ABI3: variants seen among roughly 807,000 people sequenced by gnomAD.
ABI3 encodes ABI gene family member 3.
A neutral mutation model predicts 37.0 loss-of-function variants in ABI3; 24 were observed. The observed-to-expected ratio is 0.65, with a 90% CI of 0.47 to 0.91. ABI3 has a LOEUF of 0.91. Among genes scored for constraint, ABI3 ranks in the 40% least tolerant of loss-of-function variants. The probability of loss-of-function intolerance (pLI) is 0.00; values close to 1 mark genes in which losing one functional copy is unlikely to be tolerated. For synonymous variants in ABI3, 220 were observed against 211.8 expected (o/e 1.04, Z -0.34); for missense variants, 481 against 485.1 (o/e 0.99, Z 0.08).
chr17:49,212,994 C>A (rs1241753306), intron 1 of ABI3, among the ~76,000 whole-genome samples: 1 of 152,238 alleles, frequency 6.6e-6, no homozygotes, highest in East Asian at 1.9e-4. Context: ...ACAGTGTGCA[C>A]ACACAATTTG....
At chr17:49,211,088 G>A (rs1006369872) in intron 1 of ABI3, among the ~76,000 whole-genome samples, 5 of 152,096 alleles carry the variant, frequency 3.3e-5, no homozygotes, top group African/African-American at 1.2e-4. Flanking sequence ...CAGACAGTGC[G>A]ATTCCATCCT....
chr17:49,218,532 T>C (rs937720375), intron 3 of ABI3, among the ~76,000 whole-genome samples: 3 of 152,114 alleles, frequency 2.0e-5, no homozygotes, highest in African/African-American at 7.2e-5. Flanking sequence ...TCAGCCCCCC[T>C]TAAAGGGGAA....
At chr17:49,216,438 C>T (rs2043218588) in intron 1 of ABI3, 93 bp from the exon 2 acceptor site, 1 of 1,257,922 alleles carries the variant, frequency 7.9e-7, no homozygotes, top group Non-Finnish European at 1.0e-6. Flanking sequence ...AATCCAGCCC[C>T]TACTTTCCCT....
chr17:49,221,204 C>T (rs879880931), intron 6 of ABI3, among the ~76,000 whole-genome samples: 20 of 151,608 alleles, frequency 1.3e-4, no homozygotes, highest in Non-Finnish European at 2.6e-4. Flanking sequence ...GGTGTGGTGG[C>T]TCACGCCTGT....
intron 1 of ABI3, among the ~76,000 whole-genome samples, chr17:49,211,444 T>C (rs895825232): frequency 2.0e-5 from 3 of 152,166 alleles, no homozygotes; most frequent in Non-Finnish European, 4.4e-5. Context: ...TTAAATTGTG[T>C]GGTTGTCCTG....
At chr17:49,221,607 C>G (rs1156972460) in intron 6 of ABI3, among the ~76,000 whole-genome samples, 1 of 152,224 alleles carries the variant, frequency 6.6e-6, no homozygotes, top group East Asian at 1.9e-4. Context: ...GTCTGACCGT[C>G]CTCTACTGCT....
At chr17:49,217,713 C>G in intron 2 of ABI3, 26 bp from the exon 3 acceptor site, 1 of 1,588,770 alleles carries the variant, frequency 6.3e-7, no homozygotes, top group Non-Finnish European at 8.6e-7. Flanking sequence ...CCACCCCTCT[C>G]TGTCACCTTG....
At position 49,214,351 on chromosome 17, in the gene ABI3, C is replaced by T. The variant is rs770385126; in HGVS notation, c.118-2180C>T. On this transcript the variant is annotated intron_variant, in intron 1 of 7. Coordinates refer to ENST00000225941, the MANE Select transcript of ABI3 (RefSeq NM_016428.3). ...CCCGACCAGAGATGAGGAAGCTGCCCGGGGAACCAAAAGACCGGAGAAGTT... is the reference window on the plus strand; with the variant it reads ...CCCGACCAGAGATGAGGAAGCTGCCTGGGGAACCAAAAGACCGGAGAAGTT... 8.7e-4 allele frequency among the ~76,000 whole-genome samples: 132 copies of T among 152,234 alleles called. 2 individuals carry two copies. The highest frequency in any genetic ancestry group is 3.0e-3 in the African/African-American group (125 of 41,528).
Position 49,220,218 on chromosome 17 carries a change from C to A in ABI3, c.694C>A (p.Pro232Thr), listed in dbSNP as rs2043268478. Residue 232 changes from proline to threonine, a missense_variant, in exon 6 of 8, where the codon CCT becomes ACT. Physicochemically the swap from Pro to Thr is conservative, Grantham distance 38 (BLOSUM62 -1). Transcript: ENST00000225941. ...CCCCACGCCCAAGGGGCAGGCAGCA[C>A]CTCCAGCCCCACCTCTCCCCAGCTC... The part of the protein sequence containing the change: ...GAPTPKGQAA[P>T]PAPPLPSSLD... The A allele has an allele frequency of 6.2e-7, 1 of 1,612,136 alleles. No homozygotes were observed. Among genetic ancestry groups the A allele is most frequent in the East Asian group, 2.2e-5 (1 of 44,872 alleles).
rs2143536252 is a variant in ABI3 at position 49,219,929 on chromosome 17, C to A, written c.620C>A (p.Ser207Tyr). Residue 207 changes from serine to tyrosine, a missense_variant, in exon 5 of 8, where the codon TCT becomes TAT. Transcript: ENST00000225941. The surrounding 1 kb of genome is among the most constrained non-coding windows in gnomAD (Gnocchi z 4.3). The stretch of plus-strand genomic sequence containing the variant: ...GACGGCAGACTCTCCGCCGCCTCCT[C>A]TGCGTTTTCCCTGGCCTCGGCCGGG... ...VPDGRLSAAS[S>Y]AFSLASAGSA... The A allele has an allele frequency of 6.4e-7, 1 of 1,555,194 alleles. No homozygotes were observed.
At chr17:49,213,009 C>T (rs937806611) in intron 1 of ABI3, among the ~76,000 whole-genome samples, 5 of 152,198 alleles carry the variant, frequency 3.3e-5, no homozygotes, top group Non-Finnish European at 5.9e-5. Context: ...AATTTGGGGT[C>T]GCAAAGACCT....
At chr17:49,217,708 C>G (rs1288958714) in intron 2 of ABI3, 31 bp from the exon 3 acceptor site, 1 of 1,582,478 alleles carries the variant, frequency 6.3e-7, no homozygotes, top group Non-Finnish European at 8.6e-7. Flanking sequence ...ACAGACCACC[C>G]CTCTCTGTCA....
At chr17:49,214,498 C>G (rs1012737349) in intron 1 of ABI3, among the ~76,000 whole-genome samples, 1 of 152,206 alleles carries the variant, frequency 6.6e-6, no homozygotes, top group African/African-American at 2.4e-5. Context: ...CACCTGAGGT[C>G]AGGAGTTGAA....
intron 1 of ABI3, among the ~76,000 whole-genome samples, chr17:49,211,949 C>CTTT (rs35385458): frequency 2.1e-5 from 3 of 143,782 alleles, no homozygotes; most frequent in Admixed American, 6.9e-5. Flanking sequence ...CCCAGCCAGC[C>CTTT]TTTTTTTTTT....
In ABI3 at chr17:49,219,219, C is replaced by T. The variant is rs1400652176; in HGVS notation, c.463-321C>T. On this transcript the variant is annotated intron_variant, in intron 3 of 7. Transcript: ENST00000225941. This position sits in a 1 kb window ranked among gnomAD's most constrained non-coding sequence, Gnocchi z 4.3. The stretch of plus-strand genomic sequence containing the variant: ...CCTCAGCCCGATCAAAGTTAGGGAC[C>T]ACCAAGCCAGGGCCCCAGCTTCCTG... Among the ~76,000 whole-genome samples the T allele has an allele frequency of 6.6e-6, 1 of 152,122 alleles. No individual in the cohort carries two copies. Among genetic ancestry groups the T allele is most frequent in the African/African-American group, 2.4e-5 (1 of 41,414 alleles).
At chr17:49,213,940 C>A (rs1015759718) in intron 1 of ABI3, among the ~76,000 whole-genome samples, 11 of 152,218 alleles carry the variant, frequency 7.2e-5, no homozygotes, top group African/African-American at 2.2e-4. Flanking sequence ...GGGTTGATTT[C>A]TTTGCCTATT....
Position 49,210,903 on chromosome 17 carries a change from C to T in ABI3, c.117+62C>T, listed in dbSNP as rs2233367. 4.3e-3 allele frequency: 5,944 copies of T among 1,391,490 alleles called. 227 individuals are homozygous for T. In the African/African-American group the frequency reaches 0.076, roughly 18 times the overall value. The allele number at this position is 1,391,490 out of a possible 1,614,324, so 86.2% of individuals were successfully genotyped here. ...CCGGAGGGGGGACCCTGAGCCCTGC[C>T]CCAAGTGGGGCCCTGGGACCCATCC... On this transcript the variant is annotated intron_variant, in intron 1 of 7. Coordinates refer to ENST00000225941, the MANE Select transcript of ABI3 (RefSeq NM_016428.3). This position sits in a 1 kb window ranked among gnomAD's most constrained non-coding sequence, Gnocchi z 4.2.
In ABI3 at chr17:49,219,180, T is replaced by C. The variant is rs9893003; in HGVS notation, c.463-360T>C. Among the ~76,000 whole-genome samples, 2,592 of 152,206 alleles carry C rather than the reference T, an allele frequency of 0.017. 74 individuals are homozygous for C. The highest frequency in any genetic ancestry group is 0.06 in the African/African-American group (2,485 of 41,514). On this transcript the variant is annotated intron_variant, in intron 3 of 7. Coordinates refer to ENST00000225941, the MANE Select transcript of ABI3 (RefSeq NM_016428.3). This position sits in a 1 kb window ranked among gnomAD's most constrained non-coding sequence, Gnocchi z 4.3. ...CTTCTAAGTGTGATGTGTCCTCTCC[T>C]TTCTCCGCCCCCTCCTCAGCCCGAT...
chr17:49,218,762 C>T (rs1361191258), intron 3 of ABI3, among the ~76,000 whole-genome samples: 2 of 147,100 alleles, frequency 1.4e-5, no homozygotes, highest in Non-Finnish European at 3.0e-5. Flanking sequence ...CGCCACCATG[C>T]CCGGCTAATT....
Sources: allele counts gnomAD v4.1 joint callset (sites outside exome capture counted in the v4.1 genomes callset), GRCh38; gene constraint gnomAD v4.1.1; non-coding constraint Gnocchi (gnomAD v3.1); transcripts MANE v1.5; gene names NCBI Gene and HGNC (gene_info 2026-07-23, HGNC 2026-07-21).